PDZD2: variants seen among roughly 807,000 people sequenced by gnomAD.
The protein encoded by PDZD2 is PDZ domain-containing protein 2.
A neutral mutation model predicts 220.7 loss-of-function variants in PDZD2; 90 were observed. The ratio of observed to expected loss-of-function variants is 0.41; its 90% CI spans 0.34 to 0.49. The LOEUF (loss-of-function observed/expected upper bound fraction) is 0.49. Ranked by LOEUF, PDZD2 falls within the 20% of genes least tolerant of loss-of-function variation. The pLI is 0.28. For synonymous variants in PDZD2, 1,375 were observed against 1,450.5 expected (o/e 0.95, Z 1.18); for missense variants, 3,174 against 3,608.5 (o/e 0.88, Z 3.08).
chr5:32,018,895 G>T (rs1191185007), intron 6 of PDZD2, among the ~76,000 whole-genome samples: 1 of 152,218 alleles, frequency 6.6e-6, no homozygotes, highest in African/African-American at 2.4e-5. Flanking sequence ...ACATTTGGGG[G>T]TGGTTTTTGT....
rs1742533800 is a variant in PDZD2 at position 32,087,023 on chromosome 5, T to C, written c.3683-108T>C. On this transcript the variant is annotated intron_variant, in intron 19 of 24. Transcript: ENST00000438447. This position sits in a 1 kb window ranked among gnomAD's most constrained non-coding sequence, Gnocchi z 4.0. ...AGAAAAAAATATTTGAGGTTGTTTA[T>C]AATTTTCTAGTTTTTAATAATTGAG... 1.5e-6 allele frequency: 1 copy of C among 683,858 alleles called. No individual in the cohort carries two copies. Among genetic ancestry groups the C allele is most frequent in the Non-Finnish European group, 2.5e-6 (1 of 394,696 alleles). The allele number at this position is 683,858 out of a possible 1,614,324, so 42.4% of individuals were successfully genotyped here.
chr5:31,653,960 A>G (rs253936), intron 1 of PDZD2, among the ~76,000 whole-genome samples: 24,275 of 151,906 alleles, frequency 0.16, 2,153 homozygotes, highest in East Asian at 0.31. Flanking sequence ...AATTTTTTAT[A>G]TTTTTAGTAG....
At chr5:31,994,900 C>T (rs962268219) in intron 3 of PDZD2, among the ~76,000 whole-genome samples, 4 of 152,168 alleles carry the variant, frequency 2.6e-5, no homozygotes, top group Non-Finnish European at 5.9e-5. Context: ...GCACAAATGT[C>T]TCATTTAATT....
At position 32,108,290 on chromosome 5, in the gene PDZD2, G is replaced by GT; in HGVS notation, c.*156dup. Reference sequence around the variant, plus strand: ...CTTACACATGAAGCCTGACTTAACTGTATGTGCAACAGCAATGAAATTAAC... The same window carrying GT: ...CTTACACATGAAGCCTGACTTAACTGTTATGTGCAACAGCAATGAAATTAAC... On this transcript the variant is annotated 3_prime_UTR_variant, in exon 25 of 25. Coordinates refer to ENST00000438447, the MANE Select transcript of PDZD2 (RefSeq NM_178140.4). The GT allele has an allele frequency of 3.9e-6, 2 of 512,038 alleles. No individual in the cohort carries two copies. Among genetic ancestry groups the GT allele is most frequent in the Non-Finnish European group, 6.8e-6 (2 of 295,284 alleles). The allele number at this position is 512,038 out of a possible 1,614,324, so 31.7% of individuals were successfully genotyped here.
At chr5:32,027,734 G>A (rs967435700) in intron 6 of PDZD2, among the ~76,000 whole-genome samples, 2 of 152,214 alleles carry the variant, frequency 1.3e-5, no homozygotes, top group African/African-American at 4.8e-5. Flanking sequence ...ATTTCTACAC[G>A]TAACTTGCAG....
intron 1 of PDZD2, among the ~76,000 whole-genome samples, chr5:31,759,700 CA>C (rs1751518462): frequency 6.6e-6 from 1 of 151,968 alleles, no homozygotes; most frequent in Admixed American, 6.6e-5. Context: ...TGCATGCCAC[CA>C]CTCCTGGTCA....
intron 6 of PDZD2, among the ~76,000 whole-genome samples, chr5:32,021,930 C>T (rs781720284): frequency 5.3e-5 from 8 of 152,106 alleles, no homozygotes; most frequent in Non-Finnish European, 1.2e-4. Flanking sequence ...AGCACTCTTC[C>T]TGCTGATACC....
chr5:32,052,678 T>C lies in PDZD2; in HGVS notation c.1733T>C (p.Leu578Pro). ...STTQVESPWRLIRPSVISIIG... is the reference protein window; with the variant it reads ...STTQVESPWRPIRPSVISIIG... ...ACTCAGGTGGAATCTCCTTGGAGGC[T>C]CATTCGGCCATCCGTCATCTCGATC... is the stretch of plus-strand genomic sequence containing the variant. Residue 578 changes from leucine to proline, a missense_variant, in exon 9 of 25, where the codon CTC becomes CCC. Leu to Pro is a moderately conservative substitution (Grantham distance 98). Around this residue, in one of 4 missense-constraint regions of PDZD2, gnomAD observed 50 missense variants for 109.5 expected, o/e 0.46. Coordinates refer to ENST00000438447, the MANE Select transcript of PDZD2 (RefSeq NM_178140.4). 1.2e-6 allele frequency: 2 copies of C among 1,613,924 alleles called. No individual in the cohort carries two copies. The highest frequency in any genetic ancestry group is 1.7e-6 in the Non-Finnish European group (2 of 1,179,730).
intron 2 of PDZD2, among the ~76,000 whole-genome samples, chr5:31,971,133 A>G (rs1042886324): frequency 2.6e-5 from 4 of 152,230 alleles, no homozygotes; most frequent in Non-Finnish European, 4.4e-5. Flanking sequence ...TTGTGCTGCT[A>G]TAACAAAAAT....
chr5:31,683,661 C>G (rs565733939), intron 1 of PDZD2, among the ~76,000 whole-genome samples: 46 of 152,086 alleles, frequency 3.0e-4, no homozygotes, highest in Non-Finnish European at 5.1e-4. Flanking sequence ...TTTTTGTATC[C>G]TCTGCAAAGT....
intron 19 of PDZD2, among the ~76,000 whole-genome samples, chr5:32,085,835 C>T (rs1274222069): frequency 2.0e-5 from 3 of 150,564 alleles, no homozygotes; most frequent in Non-Finnish European, 4.4e-5. Flanking sequence ...CTTTGTGGTT[C>T]CATGCACATT....
chr5:32,010,812 A>G (rs993806879), intron 6 of PDZD2: 2 of 373,534 alleles, frequency 5.4e-6, no homozygotes, highest in East Asian at 7.2e-5. Context: ...CCTGGCCAAC[A>G]TGATGAAACC....
chr5:31,751,984 C>G (rs1356068156), intron 1 of PDZD2, among the ~76,000 whole-genome samples: 1 of 151,620 alleles, frequency 6.6e-6, no homozygotes, highest in Non-Finnish European at 1.5e-5. Flanking sequence ...GCTTCTCTGC[C>G]TTTGTACATA....
Position 32,050,308 on chromosome 5 carries a change from C to T in PDZD2, c.1665+1624C>T, listed in dbSNP as rs77920310. Among the ~76,000 whole-genome samples, 25 of 152,310 alleles carry T rather than the reference C, an allele frequency of 1.6e-4. No individual in the cohort carries two copies. The East Asian group carries it at 4.8e-3, about 29-fold the overall frequency. ...ATCGAGCGTTGAGGTAATTTCTTAA[C>T]TGACCTGCTGAGGAAACCCGACAGC... On this transcript the variant is annotated intron_variant, in intron 8 of 24. Coordinates refer to ENST00000438447, the MANE Select transcript of PDZD2 (RefSeq NM_178140.4).
intron 1 of PDZD2, among the ~76,000 whole-genome samples, chr5:31,795,124 T>G (rs1753952226): frequency 6.6e-6 from 1 of 152,210 alleles, no homozygotes; most frequent in African/African-American, 2.4e-5. Context: ...AGATTAAATT[T>G]AACTTCTCTG....
chr5:31,894,524 T>A (rs1178761861), intron 2 of PDZD2, among the ~76,000 whole-genome samples: 1 of 152,082 alleles, frequency 6.6e-6, no homozygotes, highest in Non-Finnish European at 1.5e-5. Flanking sequence ...TTTAAAAAAA[T>A]AATCTTTAAA....
intron 2 of PDZD2, among the ~76,000 whole-genome samples, chr5:31,876,963 C>A (rs1739362019): frequency 6.6e-6 from 1 of 152,122 alleles, no homozygotes; most frequent in African/African-American, 2.4e-5. Context: ...ATTTGCATGC[C>A]TTGGAAACTA....
chr5:31,895,188 G>A (rs113126191), intron 2 of PDZD2, among the ~76,000 whole-genome samples: 2,168 of 152,212 alleles, frequency 0.014, 55 homozygotes, highest in African/African-American at 0.048. Context: ...GTGCCTGGCC[G>A]CCCTTTCTTT....
rs547565055 is a variant in PDZD2 at position 31,790,941 on chromosome 5, G to A, written c.-360-7948G>A. 1.5e-4 allele frequency among the ~76,000 whole-genome samples: 22 copies of A among 150,780 alleles called. No individual in the cohort carries two copies. In the South Asian group the frequency reaches 1.9e-3, roughly 13 times the overall value. ...TCTTGATCTCCTGACCTCGTGATCC[G>A]CCCGCGTCGGCCTCCCAAAGTGCTG... On this transcript the variant is annotated intron_variant, in intron 1 of 24. Transcript: ENST00000438447.
Sources: allele counts gnomAD v4.1 joint callset (sites outside exome capture counted in the v4.1 genomes callset), GRCh38; gene constraint gnomAD v4.1.1; regional missense constraint gnomAD v4.1.1; non-coding constraint Gnocchi (gnomAD v3.1); transcripts MANE v1.5; gene names NCBI Gene and HGNC (gene_info 2026-07-23, HGNC 2026-07-21).